CRIM1: variants seen among roughly 807,000 people sequenced by gnomAD.
CRIM1 encodes the protein cysteine rich transmembrane BMP regulator 1, also known as cysteine-rich motor neuron 1 protein.
In CRIM1, 32 loss-of-function variants were observed where a neutral mutation model predicts 116.4. That is an observed-to-expected ratio of 0.27 (90% confidence interval 0.21 to 0.37). CRIM1 has a LOEUF of 0.37. Among genes scored for constraint, CRIM1 ranks in the 10% least tolerant of loss-of-function variants. The pLI, the probability that CRIM1 is intolerant of heterozygous loss-of-function variation, is 1.00. For synonymous variants in CRIM1, 590 were observed against 509.2 expected (o/e 1.16, Z -2.13); for missense variants, 1,331 against 1,354.8 (o/e 0.98, Z 0.28).
At chr2:36,513,880 T>G in intron 11 of CRIM1, 115 bp downstream of exon 11, 1 of 859,284 alleles carries the variant, frequency 1.2e-6, no homozygotes, top group Non-Finnish European at 1.8e-6. Context: ...GGAACACTTT[T>G]CAGCACTGTG....
At chr2:36,428,170 CTG>C (rs1276263111) in intron 2 of CRIM1, among the ~76,000 whole-genome samples, 2 of 152,180 alleles carry the variant, frequency 1.3e-5, no homozygotes, top group African/African-American at 2.4e-5. Context: ...AGGATGATGA[CTG>C]TGTGTTTTGA....
At chr2:36,381,782 G>A (rs1023459050) in intron 1 of CRIM1, among the ~76,000 whole-genome samples, 2 of 152,108 alleles carry the variant, frequency 1.3e-5, no homozygotes, top group African/African-American at 2.4e-5. Flanking sequence ...GTGAGACTTC[G>A]TCTCAAAAAA....
At chr2:36,428,592 A>G (rs1206170887) in intron 2 of CRIM1, among the ~76,000 whole-genome samples, 2 of 152,220 alleles carry the variant, frequency 1.3e-5, no homozygotes, top group Admixed American at 6.5e-5. Flanking sequence ...TTTTATTAAA[A>G]TACCCAACTT....
At chr2:36,513,047 C>G (rs1664796875) in intron 10 of CRIM1, among the ~76,000 whole-genome samples, 1 of 152,150 alleles carries the variant, frequency 6.6e-6, no homozygotes, top group Admixed American at 6.5e-5. Context: ...ATAAAAGATT[C>G]CTAAACTTTG....
chr2:36,359,481 G>A (rs1359076219), intron 1 of CRIM1, among the ~76,000 whole-genome samples: 1 of 152,164 alleles, frequency 6.6e-6, no homozygotes. Flanking sequence ...GGGCAGAAAT[G>A]GGCCCCTTTC....
chr2:36,509,514 G>A (rs905157530), intron 8 of CRIM1, among the ~76,000 whole-genome samples: 1 of 152,286 alleles, frequency 6.6e-6, no homozygotes, highest in South Asian at 2.1e-4. Flanking sequence ...ATGACAGAGC[G>A]AGAGATTCTG....
intron 11 of CRIM1, among the ~76,000 whole-genome samples, chr2:36,516,484 C>G (rs1455992882): frequency 6.6e-6 from 1 of 152,210 alleles, no homozygotes; most frequent in Non-Finnish European, 1.5e-5. Flanking sequence ...ACATTAAATT[C>G]CCTCTCTATC....
intron 4 of CRIM1, among the ~76,000 whole-genome samples, chr2:36,453,968 AT>A (rs1051020297): frequency 1.3e-5 from 2 of 152,170 alleles, no homozygotes; most frequent in African/African-American, 4.8e-5. Flanking sequence ...TACCTTTATG[AT>A]TCAAGAAAAA....
chr2:36,441,592 G>A lies in CRIM1; in HGVS notation c.748+92G>A, dbSNP rs931261801. On this transcript the variant is annotated intron_variant, in intron 3 of 16. Coordinates refer to ENST00000280527, the MANE Select transcript of CRIM1 (RefSeq NM_016441.3). ...CCACCCCTGGCCTCTCCTTTCACACGAAGATGGGCCTTCTCACCGGTGTCC... is the reference window on the plus strand; with the variant it reads ...CCACCCCTGGCCTCTCCTTTCACACAAAGATGGGCCTTCTCACCGGTGTCC... 34 of 1,480,054 alleles carry A rather than the reference G, an allele frequency of 2.3e-5. No individual in the cohort carries two copies. In the African/African-American group the frequency reaches 2.6e-4, roughly 11 times the overall value. 91.7% of individuals were successfully genotyped at this position (1,480,054 alleles called of 1,614,324 possible).
chr2:36,372,575 C>T (rs1670014434), intron 1 of CRIM1, among the ~76,000 whole-genome samples: 1 of 152,166 alleles, frequency 6.6e-6, no homozygotes, highest in Non-Finnish European at 1.5e-5. Flanking sequence ...GAGTCAAAGA[C>T]ACATGCAGAA....
intron 4 of CRIM1, among the ~76,000 whole-genome samples, chr2:36,454,503 A>T (rs1287079055): frequency 2.0e-5 from 3 of 152,190 alleles, no homozygotes; most frequent in African/African-American, 7.2e-5. Flanking sequence ...GCTTCAGGGT[A>T]GAAGATGCAG....
At chr2:36,363,968 T>C (rs1159186402) in intron 1 of CRIM1, among the ~76,000 whole-genome samples, 1 of 152,250 alleles carries the variant, frequency 6.6e-6, no homozygotes, top group Non-Finnish European at 1.5e-5. Context: ...TCTGCCATTC[T>C]TCTGCCTGAA....
At position 36,477,083 on chromosome 2, in the gene CRIM1, T is replaced by A. The variant is rs1197711023; in HGVS notation, c.1174+12T>A. ...CCCAGTGTGTGAAGGTAAGAAAAGG[T>A]GCTAATTACAGATTAACAGGAGCAT... is the stretch of plus-strand genomic sequence containing the variant. On this transcript the variant is annotated intron_variant, in intron 6 of 16. Transcript: ENST00000280527. 4 of 1,594,256 alleles carry A rather than the reference T, an allele frequency of 2.5e-6. No homozygotes were observed. Among genetic ancestry groups the A allele is most frequent in the Non-Finnish European group, 3.4e-6 (4 of 1,170,034 alleles).
intron 6 of CRIM1, 83 bp downstream of exon 6, chr2:36,477,154 A>G: frequency 9.0e-7 from 1 of 1,114,102 alleles, no homozygotes. Flanking sequence ...ATTCAGTCTC[A>G]TCCAAAAGTA....
chr2:36,503,406 A>G (rs1236309096), intron 8 of CRIM1, among the ~76,000 whole-genome samples: 2 of 149,902 alleles, frequency 1.3e-5, no homozygotes, highest in African/African-American at 5.0e-5. Context: ...TTGAGGACTA[A>G]ATAAATGAAT....
chr2:36,398,629 T>C (rs957208160), intron 2 of CRIM1, among the ~76,000 whole-genome samples: 1 of 152,202 alleles, frequency 6.6e-6, no homozygotes, highest in African/African-American at 2.4e-5. Flanking sequence ...TTTTCCAACT[T>C]ATTATTTCAG....
intron 13 of CRIM1, among the ~76,000 whole-genome samples, chr2:36,530,456 G>A (rs1465316460): frequency 6.6e-6 from 1 of 152,160 alleles, no homozygotes; most frequent in African/African-American, 2.4e-5. Flanking sequence ...CTCCAAGTGT[G>A]GAGTTTGTGC....
In CRIM1 at chr2:36,465,193, C is replaced by G. The variant is rs1234912163; in HGVS notation, c.991+538C>G. Among the ~76,000 whole-genome samples, 4 of 152,324 alleles carry G rather than the reference C, an allele frequency of 2.6e-5. No individual in the cohort carries two copies. The East Asian group carries it at 7.7e-4, about 29-fold the overall frequency. ...GTCACTGATAGCGGCCTGCTGTAGG[C>G]TTGACCCACGTGGCCCTGAAAAAGG... is the stretch of plus-strand genomic sequence containing the variant. On this transcript the variant is annotated intron_variant, in intron 5 of 16. Coordinates refer to ENST00000280527, the MANE Select transcript of CRIM1 (RefSeq NM_016441.3).
At chr2:36,419,407 T>A (rs1335873857) in intron 2 of CRIM1, among the ~76,000 whole-genome samples, 2 of 152,354 alleles carry the variant, frequency 1.3e-5, no homozygotes, top group African/African-American at 4.8e-5. Flanking sequence ...AATATTCTAA[T>A]CTCCTATTTG....
Sources: allele counts gnomAD v4.1 joint callset (sites outside exome capture counted in the v4.1 genomes callset), GRCh38; gene constraint gnomAD v4.1.1; transcripts MANE v1.5; gene names NCBI Gene and HGNC (gene_info 2026-07-23, HGNC 2026-07-21).